NCOA1: variants seen among roughly 807,000 people sequenced by gnomAD.
NCOA1 encodes nuclear receptor coactivator 1.
Under a neutral mutation model 150.9 loss-of-function variants are expected in NCOA1, and 35 were observed. The ratio of observed to expected loss-of-function variants is 0.23; its 90% confidence interval spans 0.18 to 0.31. The LOEUF (loss-of-function observed/expected upper bound fraction) is 0.31. NCOA1 is among the 10% of genes least tolerant of loss of function. NCOA1 has a pLI of 1.00. For synonymous variants in NCOA1, 590 were observed against 630.0 expected, an observed-to-expected ratio of 0.94 and a Z score of 0.95; for missense variants, 1,491 against 1,749.3, an observed-to-expected ratio of 0.85 and a Z score of 2.63.
intron 5 of NCOA1, among the ~76,000 whole-genome samples, chr2:24,661,061 C>CG (rs1346363224): frequency 2.4e-5 from 3 of 126,712 alleles, no homozygotes; most frequent in African/African-American, 8.8e-5. Context: ...AACTCCGGCT[C>CG]AAAAAAAAAA....
intron 3 of NCOA1, among the ~76,000 whole-genome samples, chr2:24,586,477 A>T (rs1468431293): frequency 1.3e-5 from 2 of 151,966 alleles, no homozygotes; most frequent in Non-Finnish European, 2.9e-5. Flanking sequence ...GCATCTACCC[A>T]TCAGGCTCAA....
intron 1 of NCOA1, among the ~76,000 whole-genome samples, chr2:24,533,508 C>T (rs531323158): frequency 9.9e-5 from 15 of 152,274 alleles, no homozygotes; most frequent in Middle Eastern, 3.4e-3. Context: ...TGAGAGAGGG[C>T]ATCTCTGTCT....
At chr2:24,568,570 T>C (rs1308061025) in intron 2 of NCOA1, among the ~76,000 whole-genome samples, 1 of 152,234 alleles carries the variant, frequency 6.6e-6, no homozygotes, top group African/African-American at 2.4e-5. Context: ...TGAAAAATAA[T>C]GCTTTTTAGT....
At chr2:24,727,879 T>A (rs182381195) in intron 15 of NCOA1, among the ~76,000 whole-genome samples, 1 of 152,340 alleles carries the variant, frequency 6.6e-6, no homozygotes, top group East Asian at 1.9e-4. Flanking sequence ...TGTACTGTTT[T>A]GATTGTGGTT....
chr2:24,699,397 C>T (rs1673047551), intron 11 of NCOA1, among the ~76,000 whole-genome samples: 1 of 152,134 alleles, frequency 6.6e-6, no homozygotes, highest in Non-Finnish European at 1.5e-5. Context: ...TCTAAACCTT[C>T]AACGGAATTC....
chr2:24,566,903 G>T (rs1666534611), intron 2 of NCOA1, among the ~76,000 whole-genome samples: 1 of 152,236 alleles, frequency 6.6e-6, no homozygotes, highest in Non-Finnish European at 1.5e-5. Context: ...GCAGGGGCAT[G>T]GGGGGCCTTC....
At chr2:24,633,863 T>C (rs1669815548) in intron 3 of NCOA1, among the ~76,000 whole-genome samples, 2 of 152,216 alleles carry the variant, frequency 1.3e-5, no homozygotes, top group Admixed American at 1.3e-4. Flanking sequence ...CTTCTACTTA[T>C]GCATATGAAG....
At chr2:24,660,750 C>A (rs1671148220) in intron 5 of NCOA1, among the ~76,000 whole-genome samples, 1 of 152,108 alleles carries the variant, frequency 6.6e-6, no homozygotes, top group Admixed American at 6.5e-5. Context: ...TCACACATAT[C>A]TCCTATTTTA....
At chr2:24,587,278 A>G in intron 3 of NCOA1, among the ~76,000 whole-genome samples, 1 of 151,908 alleles carries the variant, frequency 6.6e-6, no homozygotes, top group Non-Finnish European at 1.5e-5. Flanking sequence ...GTGGTAGATA[A>G]AGGAAGGATT....
intron 1 of NCOA1, among the ~76,000 whole-genome samples, chr2:24,499,750 G>T (rs569056207): frequency 1.3e-5 from 2 of 152,268 alleles, no homozygotes; most frequent in Admixed American, 1.3e-4. Context: ...GCCTTGCCAT[G>T]TTCCAAAAAG....
At chr2:24,646,287 C>T (rs1244538596) in intron 4 of NCOA1, among the ~76,000 whole-genome samples, 2 of 152,098 alleles carry the variant, frequency 1.3e-5, no homozygotes, top group East Asian at 3.8e-4. Flanking sequence ...TTCCCCTTCC[C>T]CCTCTACCAT....
At chr2:24,602,746 AAGT>A (rs746857354) in intron 3 of NCOA1, among the ~76,000 whole-genome samples, 19 of 152,260 alleles carry the variant, frequency 1.2e-4, no homozygotes, top group Middle Eastern at 6.8e-3. Context: ...CTCCATATAA[AAGT>A]AGATATAAAA....
chr2:24,608,818 C>G (rs1472699976), intron 3 of NCOA1, among the ~76,000 whole-genome samples: 4 of 150,048 alleles, frequency 2.7e-5, no homozygotes, highest in Non-Finnish European at 4.4e-5. Flanking sequence ...GTCTATGACA[C>G]TTTCTGGTTT....
chr2:24,768,103 T>C, intron 22 of NCOA1, 118 bp from the exon 23 acceptor site: 1 of 1,614,048 alleles, frequency 6.2e-7, no homozygotes, highest in Non-Finnish European at 8.5e-7. Context: ...AGAGTTCTTC[T>C]CTGTGGTGAC....
At chr2:24,628,731 AGATGAAGAAGGT>A (rs1158361006) in intron 3 of NCOA1, among the ~76,000 whole-genome samples, 9 of 152,250 alleles carry the variant, frequency 5.9e-5, no homozygotes, top group African/African-American at 1.7e-4. Context: ...GGAATTGGAT[AGATGAAGAAGGT>A]ATGAGGGATT....
intron 3 of NCOA1, among the ~76,000 whole-genome samples, chr2:24,594,639 C>A (rs1243381786): frequency 6.6e-6 from 1 of 152,058 alleles, no homozygotes; most frequent in South Asian, 2.1e-4. Flanking sequence ...GTATTACTTG[C>A]CTACTTTTAA....
chr2:24,750,174 C>T (rs1455461176), intron 19 of NCOA1, among the ~76,000 whole-genome samples: 1 of 151,920 alleles, frequency 6.6e-6, no homozygotes, highest in Non-Finnish European at 1.5e-5. Context: ...TGAAAAAAAC[C>T]TGGTAATTTA....
chr2:24,639,916 G>GTATATATA (rs67632791), intron 3 of NCOA1, among the ~76,000 whole-genome samples: 25 of 29,686 alleles, frequency 8.4e-4, no homozygotes, highest in Non-Finnish European at 1.8e-3. Flanking sequence ...ATGTGTGTGT[G>GTATATATA]TATATATATA....
At chr2:24,582,972 T>C (rs1667259840) in intron 2 of NCOA1, among the ~76,000 whole-genome samples, 1 of 152,198 alleles carries the variant, frequency 6.6e-6, no homozygotes, top group African/African-American at 2.4e-5. Context: ...GACTTAAATG[T>C]AAAATCTGAA....
Sources: allele counts gnomAD v4.1 joint callset (sites outside exome capture counted in the v4.1 genomes callset), GRCh38; gene constraint gnomAD v4.1.1; transcripts MANE v1.5; gene names NCBI Gene and HGNC (gene_info 2026-07-23, HGNC 2026-07-21).